FGF12: variants seen among roughly 807,000 people sequenced by gnomAD.
The protein encoded by FGF12 is fibroblast growth factor 12B.
FGF12 carries 14 observed loss-of-function variants against 23.6 expected under a neutral mutation model. The ratio of observed to expected loss-of-function variants is 0.59; its 90% confidence interval spans 0.39 to 0.93. The LOEUF (loss-of-function observed/expected upper bound fraction) is 0.93. Ranked by LOEUF, FGF12 falls within the 40% of genes least tolerant of loss-of-function variation. FGF12 has a pLI of 0.00. For synonymous variants in FGF12, 62 were observed against 77.3 expected (o/e 0.80, Z 1.04); for missense variants, 175 against 217.8 (o/e 0.80, Z 1.24).
intron 2 of FGF12, among the ~76,000 whole-genome samples, chr3:192,526,545 C>T (rs1233221921): frequency 6.6e-6 from 1 of 152,100 alleles, no homozygotes; most frequent in Non-Finnish European, 1.5e-5. Context: ...CTTATAAACA[C>T]ACACACGCAT....
chr3:192,506,201 C>T (rs938171950), intron 2 of FGF12, among the ~76,000 whole-genome samples: 5 of 152,188 alleles, frequency 3.3e-5, no homozygotes, highest in African/African-American at 9.7e-5. Context: ...ATCAAAGCTA[C>T]AGTTATCACT....
At chr3:192,463,310 C>T (rs1221392732) in intron 2 of FGF12, among the ~76,000 whole-genome samples, 1 of 151,892 alleles carries the variant, frequency 6.6e-6, no homozygotes, top group Non-Finnish European at 1.5e-5. Flanking sequence ...GTCCCAGCTG[C>T]TTGGGAGGCT....
intron 5 of FGF12, among the ~76,000 whole-genome samples, chr3:192,158,570 TTCTC>T (rs139492402): frequency 8.0e-6 from 1 of 124,572 alleles, no homozygotes; most frequent in Non-Finnish European, 1.7e-5. Flanking sequence ...CTCCCTTTCT[TTCTC>T]TTTCTTTCTT....
At chr3:192,303,224 T>G (rs575639995) in intron 4 of FGF12, among the ~76,000 whole-genome samples, 1 of 152,088 alleles carries the variant, frequency 6.6e-6, no homozygotes, top group Non-Finnish European at 1.5e-5. Context: ...AATTTAAGTA[T>G]GGAAAAAAAA....
chr3:192,358,542 G>T (rs973162426), intron 3 of FGF12, among the ~76,000 whole-genome samples: 1 of 152,068 alleles, frequency 6.6e-6, no homozygotes, highest in Non-Finnish European at 1.5e-5. Flanking sequence ...ATATATATAT[G>T]CATGGAGGAA....
At chr3:192,374,654 A>G (rs1719390892) in intron 2 of FGF12, among the ~76,000 whole-genome samples, 1 of 152,194 alleles carries the variant, frequency 6.6e-6, no homozygotes, top group East Asian at 1.9e-4. Context: ...GTACTTACTC[A>G]TTCCATCTTT....
chr3:192,342,130 G>A (rs974636585), intron 3 of FGF12, among the ~76,000 whole-genome samples: 3 of 152,148 alleles, frequency 2.0e-5, no homozygotes, highest in African/African-American at 7.2e-5. Context: ...CTTTTATTAT[G>A]ATCCCCAATG....
intron 2 of FGF12, among the ~76,000 whole-genome samples, chr3:192,383,553 C>CT (rs1333705576): frequency 6.7e-6 from 1 of 149,742 alleles, no homozygotes; most frequent in African/African-American, 2.5e-5. Context: ...AAAAAAAAAC[C>CT]TATTGCTATA....
At chr3:192,392,513 T>C (rs1206819515) in intron 2 of FGF12, among the ~76,000 whole-genome samples, 1 of 151,454 alleles carries the variant, frequency 6.6e-6, no homozygotes, top group Non-Finnish European at 1.5e-5. Flanking sequence ...GGAGAATCGT[T>C]TGAACTCAGG....
At chr3:192,550,404 A>G (rs1438966515) in intron 2 of FGF12, among the ~76,000 whole-genome samples, 1 of 149,820 alleles carries the variant, frequency 6.7e-6, no homozygotes, top group East Asian at 2.0e-4. Flanking sequence ...TACATATATT[A>G]CATATATAAC....
At chr3:192,378,080 T>TTCTTTCTTTCTTTCTTTCTTTCTTTCTG (rs1719638249) in intron 2 of FGF12, among the ~76,000 whole-genome samples, 1 of 105,810 alleles carries the variant, frequency 9.5e-6, no homozygotes, top group African/African-American at 3.8e-5. Context: ...CTTTCTTTCT[T>TTCTTTCTTTCTTTCTTTCTTTCTTTCTG]TCTTTCTTTC....
intron 3 of FGF12, among the ~76,000 whole-genome samples, chr3:192,347,480 T>C (rs1294404180): frequency 6.6e-6 from 1 of 152,196 alleles, no homozygotes; most frequent in Non-Finnish European, 1.5e-5. Flanking sequence ...GGAGCCATTG[T>C]TGAGAACCTG....
At chr3:192,505,309 C>T (rs1004459546) in intron 2 of FGF12, among the ~76,000 whole-genome samples, 3 of 152,224 alleles carry the variant, frequency 2.0e-5, no homozygotes, top group African/African-American at 7.2e-5. Context: ...AAGCCTCATT[C>T]CCGCTGCTTC....
At chr3:192,385,659 T>C (rs1046441377) in intron 2 of FGF12, among the ~76,000 whole-genome samples, 1 of 39,576 alleles carries the variant, frequency 2.5e-5, no homozygotes, top group Non-Finnish European at 5.3e-5. Flanking sequence ...AAACCATAGT[T>C]TATATGTCCA....
intron 2 of FGF12, among the ~76,000 whole-genome samples, chr3:192,611,713 A>G (rs895194774): frequency 6.6e-6 from 1 of 151,980 alleles, no homozygotes; most frequent in Non-Finnish European, 1.5e-5. Context: ...CTGCTGTCAT[A>G]TTAAAAGGAT....
intron 4 of FGF12, among the ~76,000 whole-genome samples, chr3:192,173,570 G>A (rs141506690): frequency 1.9e-3 from 295 of 151,774 alleles, no homozygotes; most frequent in African/African-American, 6.8e-3. Context: ...TTAGATTTAG[G>A]TCTGAATTTT....
At chr3:192,288,537 A>G (rs1437843339) in intron 4 of FGF12, among the ~76,000 whole-genome samples, 1 of 152,072 alleles carries the variant, frequency 6.6e-6, no homozygotes, top group Non-Finnish European at 1.5e-5. Flanking sequence ...TACAAATGAT[A>G]CTTGTATCTT....
intron 2 of FGF12, among the ~76,000 whole-genome samples, chr3:192,545,552 T>G (rs1846955): frequency 0.72 from 109,748 of 152,124 alleles, 39,946 homozygotes; most frequent in African/African-American, 0.81. Flanking sequence ...AGCTATAGCT[T>G]GTCTCAGCTG....
intron 4 of FGF12, among the ~76,000 whole-genome samples, chr3:192,333,775 T>G (rs2108697024): frequency 6.6e-6 from 1 of 152,098 alleles, no homozygotes; most frequent in Middle Eastern, 3.4e-3. Context: ...AAAGGCTGAT[T>G]AAGAGGAGAA....
Sources: gnomAD v4.1 joint callset for allele counts (sites outside exome capture counted in the v4.1 genomes callset) on GRCh38, gnomAD v4.1.1 for gene constraint, MANE v1.5 for transcripts, NCBI Gene and HGNC (gene_info 2026-07-23, HGNC 2026-07-21) for gene names.